Variants in CYP7B1 observed in about 807,000 individuals in gnomAD.
CYP7B1 encodes the protein cytochrome P450 family 7 subfamily B member 1.
CYP7B1 carries 29 observed loss-of-function variants against 42.7 expected under a neutral mutation model. That is an observed-to-expected ratio of 0.68 (90% CI 0.51 to 0.93). The LOEUF is 0.93. Ranked by LOEUF, CYP7B1 falls within the 40% of genes least tolerant of loss-of-function variation. The pLI, the probability that CYP7B1 is intolerant of heterozygous loss-of-function variation, is 0.00. For synonymous variants in CYP7B1, 235 were observed against 218.2 expected, an observed-to-expected ratio of 1.08 and a Z score of -0.68; for missense variants, 655 against 600.5, an observed-to-expected ratio of 1.09 and a Z score of -0.95.
chr8:64,788,525 G>A (rs958987356), intron 1 of CYP7B1, among the ~76,000 whole-genome samples: 5 of 152,138 alleles, frequency 3.3e-5, no homozygotes, highest in African/African-American at 1.2e-4. Context: ...AGGGGACTGT[G>A]GGTTTCTGTG....
At chr8:64,662,067 G>A (rs1036606739) in intron 1 of CYP7B1, among the ~76,000 whole-genome samples, 9 of 150,476 alleles carry the variant, frequency 6.0e-5, no homozygotes, top group African/African-American at 1.2e-4. Context: ...TGGCTGGCTA[G>A]TCACTTTGCT....
In CYP7B1 at chr8:64,593,856, T is replaced by C. The variant is rs11783849; in HGVS notation, c.*2786A>G. Among the ~76,000 whole-genome samples, 2,007 of 152,230 alleles carry C rather than the reference T, an allele frequency of 0.013. 22 individuals are homozygous for C. The highest frequency in any genetic ancestry group is 0.02 in the Non-Finnish European group (1,371 of 68,012). The stretch of plus-strand genomic sequence containing the variant: ...TTGAGTTTATAATAAAGGTACAAGA[T>C]ATTATAAAAAATAAGCAGCATATAT... On this transcript the variant is annotated 3_prime_UTR_variant, in exon 6 of 6. Transcript: ENST00000310193.
intron 1 of CYP7B1, among the ~76,000 whole-genome samples, chr8:64,789,857 A>AT (rs1804589773): frequency 6.6e-6 from 1 of 152,186 alleles, no homozygotes; most frequent in Non-Finnish European, 1.5e-5. Context: ...GGGGACACAA[A>AT]TGAACCTGCA....
intron 1 of CYP7B1, among the ~76,000 whole-genome samples, chr8:64,678,909 G>GTGTA (rs1449284441): frequency 6.6e-6 from 1 of 151,506 alleles, no homozygotes; most frequent in Admixed American, 6.6e-5. Flanking sequence ...GTGTGTGTGT[G>GTGTA]TATAGAGAGA....
chr8:64,613,846 A>G (rs1409961672), intron 4 of CYP7B1, among the ~76,000 whole-genome samples: 1 of 152,158 alleles, frequency 6.6e-6, no homozygotes, highest in Non-Finnish European at 1.5e-5. Flanking sequence ...TCTCTAGAAC[A>G]CTTGGGGCAT....
chr8:64,701,252 A>C (rs1176580990), intron 1 of CYP7B1, among the ~76,000 whole-genome samples: 1 of 152,072 alleles, frequency 6.6e-6, no homozygotes, highest in Admixed American at 6.6e-5. Context: ...CAGTGAACCC[A>C]GTTCTCATCT....
At chr8:64,733,480 C>T (rs1807443521) in intron 1 of CYP7B1, among the ~76,000 whole-genome samples, 1 of 152,192 alleles carries the variant, frequency 6.6e-6, no homozygotes, top group South Asian at 2.1e-4. Flanking sequence ...AACTGCCCAG[C>T]AGTAGTGAGC....
At chr8:64,633,126 T>A (rs1286276507) in intron 1 of CYP7B1, among the ~76,000 whole-genome samples, 3 of 152,144 alleles carry the variant, frequency 2.0e-5, no homozygotes, top group African/African-American at 7.2e-5. Flanking sequence ...ATTTGACTCA[T>A]GGGGAAATTT....
At chr8:64,746,369 G>A (rs1051055095) in intron 1 of CYP7B1, among the ~76,000 whole-genome samples, 1 of 152,164 alleles carries the variant, frequency 6.6e-6, no homozygotes, top group Non-Finnish European at 1.5e-5. Flanking sequence ...AGAAAAATCA[G>A]TCCAGGGAAT....
At chr8:64,624,651 C>A in intron 1 of CYP7B1, 112 bp from the exon 2 acceptor site, 3 of 1,217,826 alleles carry the variant, frequency 2.5e-6, no homozygotes, top group Non-Finnish European at 3.5e-6. Flanking sequence ...GATTGCACTG[C>A]TTCTTTCTAT....
chr8:64,674,902 C>A (rs1243494238), intron 1 of CYP7B1, among the ~76,000 whole-genome samples: 1 of 151,994 alleles, frequency 6.6e-6, no homozygotes, highest in African/African-American at 2.4e-5. Context: ...TTTCTTGACT[C>A]AAAGTTATTG....
chr8:64,602,807 T>A (rs945384713), intron 5 of CYP7B1, among the ~76,000 whole-genome samples: 17 of 152,342 alleles, frequency 1.1e-4, no homozygotes, highest in African/African-American at 4.1e-4. Flanking sequence ...CATCTACTTA[T>A]TGCCATATGA....
intron 1 of CYP7B1, among the ~76,000 whole-genome samples, chr8:64,713,947 T>C (rs1585872309): frequency 6.6e-6 from 1 of 152,248 alleles, no homozygotes; most frequent in East Asian, 1.9e-4. Context: ...TGTCAAGTGC[T>C]GCTTTAAATG....
chr8:64,652,244 GTT>G (rs757349623), intron 1 of CYP7B1, among the ~76,000 whole-genome samples: 3 of 152,018 alleles, frequency 2.0e-5, no homozygotes, highest in Admixed American at 1.3e-4. Flanking sequence ...GATACACCTG[GTT>G]ATAGTATTTT....
At chr8:64,681,105 T>A (rs1806529649) in intron 1 of CYP7B1, among the ~76,000 whole-genome samples, 2 of 152,250 alleles carry the variant, frequency 1.3e-5, no homozygotes, top group Admixed American at 1.3e-4. Flanking sequence ...TTAAAATGTT[T>A]GTGGATGCAA....
chr8:64,636,413 A>G (rs149780005), intron 1 of CYP7B1, among the ~76,000 whole-genome samples: 1 of 152,254 alleles, frequency 6.6e-6, no homozygotes, highest in African/African-American at 2.4e-5. Flanking sequence ...GAACACAATG[A>G]CTCACACAGT....
chr8:64,615,297 G>A (rs1805421074), intron 3 of CYP7B1, 65 bp from the exon 4 acceptor site: 2 of 1,476,670 alleles, frequency 1.4e-6, no homozygotes, highest in South Asian at 2.4e-5. Context: ...TTTGCAGTGT[G>A]CTAATTAAAA....
At chr8:64,711,800 CATCAA>C (rs1482445473) in intron 1 of CYP7B1, among the ~76,000 whole-genome samples, 3 of 152,110 alleles carry the variant, frequency 2.0e-5, no homozygotes, top group South Asian at 4.1e-4. Flanking sequence ...TCTACTCAGT[CATCAA>C]ATCAACAATG....
chr8:64,789,533 T>C (rs1265988301), intron 1 of CYP7B1, among the ~76,000 whole-genome samples: 1 of 152,234 alleles, frequency 6.6e-6, no homozygotes, highest in Non-Finnish European at 1.5e-5. Context: ...AGAAGATGAC[T>C]GTGGGCATGC....
Sources: gnomAD v4.1 joint callset for allele counts (sites outside exome capture counted in the v4.1 genomes callset) on GRCh38, gnomAD v4.1.1 for gene constraint, MANE v1.5 for transcripts, NCBI Gene and HGNC (gene_info 2026-07-23, HGNC 2026-07-21) for gene names.